Variants in SEC16A observed in about 807,000 individuals in gnomAD.
The protein encoded by SEC16A is protein transport protein Sec16A.
Under a neutral mutation model 221.9 loss-of-function variants are expected in SEC16A, and 110 were observed. That is an observed-to-expected ratio of 0.50 (90% CI 0.42 to 0.58). The LOEUF (loss-of-function observed/expected upper bound fraction) is 0.58. SEC16A is among the 20% of genes least tolerant of loss of function. The pLI is 0.00. For missense variants in SEC16A, 3,165 were observed against 3,097.8 expected (o/e 1.02, Z -0.52); for synonymous variants, 1,393 against 1,257.7 (o/e 1.11, Z -2.28).
intron 12 of SEC16A, among the ~76,000 whole-genome samples, chr9:136,462,408 T>C (rs1432729778): frequency 6.6e-6 from 1 of 152,222 alleles, no homozygotes; most frequent in East Asian, 1.9e-4. Flanking sequence ...CACGCTGCTG[T>C]GACCCCAGTC....
Position 136,477,646 on chromosome 9 carries a change from T to TAC in SEC16A, c.-33_-32dup, listed in dbSNP as rs1387202190. ...AACCCTTGCACAAGTCGATGCTGCT[T>TAC]ACAGAAGGAAGCAGGATATAGCTGT... On this transcript the variant is annotated 5_prime_UTR_variant, in exon 3 of 32. Transcript: ENST00000684901. 2.6e-6 allele frequency: 4 copies of TAC among 1,566,102 alleles called. No homozygotes were observed. The African/African-American group carries it at 5.5e-5, about 21-fold the overall frequency.
chr9:136,440,342 A>C lies in SEC16A; in HGVS notation c.*1413T>G, dbSNP rs1836058431. ...TTCTCCAAGTGACAAGGACAAATGG[A>C]TCCAGCGGGACACGCCTGTGGAACA... On this transcript the variant is annotated 3_prime_UTR_variant, in exon 32 of 32. Coordinates refer to ENST00000684901, the MANE Select transcript of SEC16A (RefSeq NM_014866.2). 2.0e-5 allele frequency: 3 copies of C among 152,472 alleles called. No homozygotes were observed. The South Asian group carries it at 6.2e-4, about 32-fold the overall frequency. The allele number at this position is 152,472 out of a possible 1,614,324, so 9.4% of individuals were successfully genotyped here.
chr9:136,446,722 T>C, intron 28 of SEC16A, 133 bp downstream of exon 28: 3 of 853,808 alleles, frequency 3.5e-6, no homozygotes, highest in South Asian at 3.8e-5. Context: ...CATACATAAG[T>C]GTGAGGCGTT....
chr9:136,455,644 C>A lies in SEC16A; in HGVS notation c.5814G>T (p.Pro1938=), dbSNP rs755640318. 1 of 1,588,894 alleles carries A rather than the reference C, an allele frequency of 6.3e-7. No individual in the cohort carries two copies. Among genetic ancestry groups the A allele is most frequent in the East Asian group, 2.3e-5 (1 of 43,482 alleles). The change falls in exon 20 of 32, where the codon CCG becomes CCT. Residue 1938 remains proline (P), a synonymous_variant. Coordinates refer to ENST00000684901, the MANE Select transcript of SEC16A (RefSeq NM_014866.2). ...CGCTCGGGCTCGAGTGCTCAGGGCTCGGTGCAGGCACCGCCAGCAGAGGGT... is the reference window on the plus strand; with the variant it reads ...CGCTCGGGCTCGAGTGCTCAGGGCTAGGTGCAGGCACCGCCAGCAGAGGGT... The part of the protein sequence containing the change: ...IANPLLAVPA[P]SPEHSSPSVR...
At chr9:136,474,028 C>G in intron 3 of SEC16A, 21 bp downstream of exon 3, 5 of 1,574,594 alleles carry the variant, frequency 3.2e-6, no homozygotes, top group Non-Finnish European at 4.3e-6. Flanking sequence ...AAGTGGGTTA[C>G]ACATACGACT....
Position 136,476,901 on chromosome 9 carries a change from T to G in SEC16A, c.715A>C (p.Ser239Arg), listed in dbSNP as rs992083744. ...RSPCPEGPVP[S>R]GVPCATSVPH... ...ACGCTGGTGGCACAGGGCACCCCGC[T>G]GGGAACAGGTCCTTCAGGGCAGGGT... is the stretch of plus-strand genomic sequence containing the variant. Residue 239 changes from serine (S) to arginine (R), a missense_variant, in exon 3 of 32, where the codon AGC becomes CGC. Transcript: ENST00000684901. The G allele has an allele frequency of 6.2e-7, 1 of 1,611,762 alleles. No individual in the cohort carries two copies. Among genetic ancestry groups the G allele is most frequent in the Non-Finnish European group, 8.5e-7 (1 of 1,179,546 alleles).
chr9:136,459,375 C>T lies in SEC16A; in HGVS notation c.5303+69G>A, dbSNP rs1839160732. The T allele has an allele frequency of 2.1e-6, 3 of 1,426,868 alleles. No individual in the cohort carries two copies. The highest frequency in any genetic ancestry group is 1.4e-5 in the African/African-American group (1 of 70,694). 88.4% of individuals were successfully genotyped at this position (1,426,868 alleles called of 1,614,324 possible). A position where few individuals can be genotyped will look rare whatever the true frequency, so the allele number is the denominator to read the frequency against. Reference sequence around the variant, plus strand: ...ATGATTCTGGCCATTTCTGAATTCACTAAAGGAGAAGGATTTTGTTTTACT... The same window carrying T: ...ATGATTCTGGCCATTTCTGAATTCATTAAAGGAGAAGGATTTTGTTTTACT... On this transcript the variant is annotated intron_variant, in intron 16 of 31. Transcript: ENST00000684901. The surrounding 1 kb of genome is among the most constrained non-coding windows in gnomAD (Gnocchi z 6.1).
chr9:136,458,762 C>T (rs1243639449), intron 17 of SEC16A, among the ~76,000 whole-genome samples: 2 of 151,450 alleles, frequency 1.3e-5, no homozygotes, highest in African/African-American at 2.4e-5. Context: ...TTTTTTTCTA[C>T]AAAAAATAAA....
chr9:136,448,372 T>C (rs1588880602), intron 23 of SEC16A: 2 of 588,012 alleles, frequency 3.4e-6, no homozygotes, highest in East Asian at 3.4e-5. Flanking sequence ...ACCAGGAGGA[T>C]GGAGGTGGGG....
chr9:136,464,293 G>C, intron 9 of SEC16A, 127 bp downstream of exon 9: 1 of 914,646 alleles, frequency 1.1e-6, no homozygotes, highest in East Asian at 2.7e-5. Context: ...AAAATTCACA[G>C]GAATAAACAT....
Position 136,476,559 on chromosome 9 carries a change from C to A in SEC16A, c.1057G>T (p.Ala353Ser), listed in dbSNP as rs530033385. 14 of 1,610,462 alleles carry A rather than the reference C, an allele frequency of 8.7e-6. No homozygotes were observed. The highest frequency in any genetic ancestry group is 5.3e-5 in the African/African-American group (4 of 74,992). Residue 353 changes from alanine to serine, a missense_variant, in exon 3 of 32, where the codon GCT becomes TCT. Coordinates refer to ENST00000684901, the MANE Select transcript of SEC16A (RefSeq NM_014866.2). ...GGGGCACAGCCAGACCCGGCCCCAG[C>A]CCCCAGTGGGTGGTGCGTACGGTTT... ...PENRTHHPLG[A>S]GAGSGCAPLE...
chr9:136,470,158 G>A (rs758247188), intron 4 of SEC16A, among the ~76,000 whole-genome samples: 2 of 152,366 alleles, frequency 1.3e-5, no homozygotes, highest in Non-Finnish European at 2.9e-5. Context: ...CAACCAAAGC[G>A]GGGGAAGGAG....
intron 9 of SEC16A, among the ~76,000 whole-genome samples, 168 bp from the exon 10 acceptor site, chr9:136,463,908 G>T (rs113578863): frequency 2.6e-5 from 4 of 152,248 alleles, no homozygotes; most frequent in African/African-American, 9.6e-5. Flanking sequence ...ATGGAACATG[G>T]CCTGTGTGGA....
chr9:136,451,538 G>T, intron 22 of SEC16A, 130 bp from the exon 23 acceptor site: 1 of 1,095,054 alleles, frequency 9.1e-7, no homozygotes, highest in East Asian at 2.7e-5. Flanking sequence ...CTGGTGACCA[G>T]AGGGAGGCAG....
intron 23 of SEC16A, chr9:136,448,375 A>C (rs1837301425): frequency 1.5e-6 from 1 of 688,348 alleles, no homozygotes; most frequent in Non-Finnish European, 2.6e-6. Flanking sequence ...AGGAGGATGG[A>C]GGTGGGGGGC....
At chr9:136,484,374 G>T (rs1029848875), upstream of SEC16A, 1 of 1,181,376 alleles carries the variant, frequency 8.5e-7, no homozygotes, top group African/African-American at 1.6e-5. Flanking sequence ...GCAGGGAACA[G>T]GTGGGCACTA....
At chr9:136,471,592 T>C (rs565228991) in intron 4 of SEC16A, among the ~76,000 whole-genome samples, 2 of 152,120 alleles carry the variant, frequency 1.3e-5, no homozygotes, top group African/African-American at 2.4e-5. Context: ...CGGAGACCGG[T>C]GAAAAGCTGC....
chr9:136,469,663 A>C (rs1007474670), intron 4 of SEC16A, among the ~76,000 whole-genome samples: 2 of 152,202 alleles, frequency 1.3e-5, no homozygotes, highest in Non-Finnish European at 2.9e-5. Flanking sequence ...GAGACCTAAA[A>C]AGACTCTTGA....
intron 29 of SEC16A, among the ~76,000 whole-genome samples, chr9:136,445,338 G>A (rs1836815729): frequency 6.6e-6 from 1 of 152,188 alleles, no homozygotes; most frequent in South Asian, 2.1e-4. Context: ...GAAAAGTCCA[G>A]CCTCGGCCTA....
Sources: allele counts gnomAD v4.1 joint callset (sites outside exome capture counted in the v4.1 genomes callset), GRCh38; gene constraint gnomAD v4.1.1; non-coding constraint Gnocchi (gnomAD v3.1); transcripts MANE v1.5; gene names NCBI Gene and HGNC (gene_info 2026-07-23, HGNC 2026-07-21).